Variants in DCLK2 observed in about 807,000 individuals in gnomAD.
DCLK2 encodes the protein serine/threonine-protein kinase DCLK2.
Under a neutral mutation model 78.4 loss-of-function variants are expected in DCLK2, and 31 were observed. The ratio of observed to expected loss-of-function variants is 0.40; its 90% confidence interval spans 0.30 to 0.53. The LOEUF (loss-of-function observed/expected upper bound fraction) is 0.53, where lower values mean the gene tolerates loss of function less well. Ranked by LOEUF, DCLK2 falls within the 20% of genes least tolerant of loss-of-function variation. The probability of loss-of-function intolerance (pLI) is 0.61; values close to 1 mark genes in which losing one functional copy is unlikely to be tolerated. For synonymous variants in DCLK2, 407 were observed against 374.9 expected (o/e 1.09, Z -0.99); for missense variants, 872 against 973.7 (o/e 0.90, Z 1.39).
intron 3 of DCLK2, among the ~76,000 whole-genome samples, chr4:150,197,166 AAAAG>A (rs1209991703): frequency 1.3e-5 from 2 of 152,244 alleles, no homozygotes; most frequent in African/African-American, 4.8e-5. Context: ...AAAAAAAAAA[AAAAG>A]AGAGAGAGAA....
chr4:150,247,860 C>G (rs1442719099), intron 13 of DCLK2, among the ~76,000 whole-genome samples, 161 bp downstream of exon 13: 1 of 152,210 alleles, frequency 6.6e-6, no homozygotes, highest in Admixed American at 6.5e-5. Flanking sequence ...CTCTGAAGTT[C>G]TTGGCCAAAT....
intron 1 of DCLK2, among the ~76,000 whole-genome samples, 166 bp downstream of exon 1, chr4:150,079,614 G>A (rs937320733): frequency 6.6e-6 from 1 of 152,198 alleles, no homozygotes; most frequent in Non-Finnish European, 1.5e-5. Flanking sequence ...CCGGTGGGGT[G>A]CCCACATACA....
chr4:150,151,762 TAAA>T (rs1004596067), intron 2 of DCLK2, among the ~76,000 whole-genome samples: 1 of 152,026 alleles, frequency 6.6e-6, no homozygotes, highest in African/African-American at 2.4e-5. Context: ...CCGTCTCTAC[TAAA>T]AATACAAAAA....
chr4:150,172,524 G>T (rs1426186941), intron 2 of DCLK2, among the ~76,000 whole-genome samples: 2 of 149,776 alleles, frequency 1.3e-5, no homozygotes, highest in East Asian at 4.0e-4. Flanking sequence ...GGAGAATGGC[G>T]TGAACCCGGG....
intron 2 of DCLK2, among the ~76,000 whole-genome samples, chr4:150,141,061 T>C (rs1358550356): frequency 6.6e-6 from 1 of 152,214 alleles, no homozygotes; most frequent in Non-Finnish European, 1.5e-5. Flanking sequence ...GGCAACTGTG[T>C]GTGGCTTTGG....
At chr4:150,185,432 T>A (rs1192333967) in intron 2 of DCLK2, among the ~76,000 whole-genome samples, 1 of 151,816 alleles carries the variant, frequency 6.6e-6, no homozygotes, top group African/African-American at 2.4e-5. Context: ...TTTTTTTTTT[T>A]AATCAGACCT....
intron 15 of DCLK2, 26 bp downstream of exon 15, chr4:150,249,710 C>G (rs1238851332): frequency 2.5e-6 from 4 of 1,588,460 alleles, no homozygotes; most frequent in African/African-American, 1.3e-5. Flanking sequence ...CAGGTCTGGC[C>G]TGACTGCGGA....
At position 150,256,204 on chromosome 4, in the gene DCLK2, C is replaced by T. The variant is rs557878793; in HGVS notation, c.2258C>T (p.Pro753Leu). The change falls in exon 16 of 16, where the codon CCG (proline) becomes CTG (leucine). Residue 753 changes from proline (P) to leucine (L), a missense_variant. Pro to Leu is a moderately conservative substitution (Grantham distance 98). Around this residue, in one of 3 missense-constraint regions of DCLK2, gnomAD observed 219 missense variants for 230.1 expected, o/e 0.95. Transcript: ENST00000296550. ...ACCCCCCACCCTCCTCCCGCTGCCCCGGGTGGTGAGCGGGCAGGAACCTGG... is the reference window on the plus strand; with the variant it reads ...ACCCCCCACCCTCCTCCCGCTGCCCTGGGTGGTGAGCGGGCAGGAACCTGG... ...SPTPHPPPAA[P>L]GGERAGTWRR... The T allele has an allele frequency of 2.7e-5, 41 of 1,546,680 alleles. No homozygotes were observed. The highest frequency in any genetic ancestry group is 8.4e-5 in the South Asian group (7 of 83,810).
In DCLK2 at chr4:150,116,276, T is replaced by C. The variant is rs917524101; in HGVS notation, c.756+13464T>C. Reference sequence around the variant, plus strand: ...GAAGCCCCTGCTGTGTCTTCAGCAGTAGGTGAGGGGGAGAAGAAGCACTCC... The same window carrying C: ...GAAGCCCCTGCTGTGTCTTCAGCAGCAGGTGAGGGGGAGAAGAAGCACTCC... On this transcript the variant is annotated intron_variant, in intron 2 of 15. Coordinates refer to ENST00000296550, the MANE Select transcript of DCLK2 (RefSeq NM_001040260.4). 3.9e-5 allele frequency among the ~76,000 whole-genome samples: 6 copies of C among 152,164 alleles called. No individual in the cohort carries two copies. In the East Asian group the frequency reaches 1.2e-3, roughly 29 times the overall value.
chr4:150,103,704 T>G lies in DCLK2; in HGVS notation c.756+892T>G, dbSNP rs144334823. Reference sequence around the variant, plus strand: ...ATGAATAATATAAAACATTGAGCAGTGTCTTTGGGAAAAACACAATCAAAT... The same window carrying G: ...ATGAATAATATAAAACATTGAGCAGGGTCTTTGGGAAAAACACAATCAAAT... On this transcript the variant is annotated intron_variant, in intron 2 of 15. Coordinates refer to ENST00000296550, the MANE Select transcript of DCLK2 (RefSeq NM_001040260.4). 3.4e-3 allele frequency among the ~76,000 whole-genome samples: 512 copies of G among 152,326 alleles called. 4 individuals are homozygous for G. The highest frequency in any genetic ancestry group is 0.011 in the African/African-American group (443 of 41,572).
chr4:150,175,554 C>G (rs777578137), intron 2 of DCLK2: 1 of 152,072 alleles, frequency 6.6e-6, no homozygotes, highest in Admixed American at 6.6e-5. Context: ...TGAGGGCTGT[C>G]CTTCACCCAG....
chr4:150,170,929 A>T (rs1239039441), intron 2 of DCLK2, among the ~76,000 whole-genome samples: 1 of 152,194 alleles, frequency 6.6e-6, no homozygotes, highest in African/African-American at 2.4e-5. Context: ...TTAAAGTAAC[A>T]GTCACTGAAA....
At chr4:150,195,058 T>G (rs890884169) in intron 3 of DCLK2, among the ~76,000 whole-genome samples, 2 of 143,632 alleles carry the variant, frequency 1.4e-5, no homozygotes, top group Non-Finnish European at 3.0e-5. Context: ...AGTCCTTAAT[T>G]ATAGATAATG....
chr4:150,148,763 T>C (rs985863364), intron 2 of DCLK2, among the ~76,000 whole-genome samples: 6 of 152,046 alleles, frequency 3.9e-5, no homozygotes, highest in Non-Finnish European at 8.8e-5. Context: ...CCAGGCGTGG[T>C]GGCTCACGCC....
intron 15 of DCLK2, among the ~76,000 whole-genome samples, chr4:150,253,079 G>GTCCTCCTCA (rs1182349278): frequency 2.0e-5 from 3 of 149,612 alleles, no homozygotes; most frequent in Admixed American, 6.7e-5. Flanking sequence ...TGTCCTCCTC[G>GTCCTCCTCA]TCCTCCTCAT....
rs572157035 is a variant in DCLK2, at chr4:150,163,615, T to C, written c.757-29523T>C. On this transcript the variant is annotated intron_variant, in intron 2 of 15. Transcript: ENST00000296550. ...TGAAGAAAATTATAGAGCTCAGTTG[T>C]CTGAATTAAATAAGATACTATCTAG... 7.2e-5 allele frequency among the ~76,000 whole-genome samples: 11 copies of C among 152,282 alleles called. No homozygotes were observed. In the East Asian group the frequency reaches 2.1e-3, roughly 29 times the overall value.
At chr4:150,120,417 T>C (rs772422400) in intron 2 of DCLK2, among the ~76,000 whole-genome samples, 1 of 152,182 alleles carries the variant, frequency 6.6e-6, no homozygotes, top group Non-Finnish European at 1.5e-5. Flanking sequence ...TTCAACCTTA[T>C]TGTCATTGAT....
At chr4:150,090,423 AAAAACAAAAC>A (rs140436858) in intron 1 of DCLK2, among the ~76,000 whole-genome samples, 1 of 151,356 alleles carries the variant, frequency 6.6e-6, no homozygotes, top group African/African-American at 2.4e-5. Flanking sequence ...AAATAATGAT[AAAAACAAAAC>A]AAAACAAAAC....
At chr4:150,132,413 A>C (rs2150199356) in intron 2 of DCLK2, among the ~76,000 whole-genome samples, 1 of 152,300 alleles carries the variant, frequency 6.6e-6, no homozygotes, top group South Asian at 2.1e-4. Flanking sequence ...CAGTGTAGAG[A>C]GGTTTCATTT....
Sources: allele counts gnomAD v4.1 joint callset (sites outside exome capture counted in the v4.1 genomes callset), GRCh38; gene constraint gnomAD v4.1.1; regional missense constraint gnomAD v4.1.1; transcripts MANE v1.5; gene names NCBI Gene and HGNC (gene_info 2026-07-23, HGNC 2026-07-21).